Variants in SPO11 observed in about 807,000 individuals in gnomAD.
The protein encoded by SPO11 is SPO11 initiator of meiotic double strand breaks, also known as meiotic recombination protein SPO11.
A neutral mutation model predicts 51.6 loss-of-function variants in SPO11; 49 were observed. The ratio of observed to expected loss-of-function variants is 0.95; its 90% CI spans 0.75 to 1.20. The LOEUF is 1.20. Ranked by LOEUF, SPO11 falls within the 50% of genes most tolerant of loss-of-function variation. The probability of loss-of-function intolerance (pLI) is 0.00; values close to 1 mark genes in which losing one functional copy is unlikely to be tolerated. For missense variants in SPO11, 431 were observed against 473.4 expected (o/e 0.91, Z 0.83); for synonymous variants, 176 against 158.2 (o/e 1.11, Z -0.84).
At chr20:57,335,317 G>T in intron 6 of SPO11, 102 bp from the exon 7 acceptor site, 1 of 935,484 alleles carries the variant, frequency 1.1e-6, no homozygotes, top group Middle Eastern at 2.8e-4. Flanking sequence ...AGTCTCTGAT[G>T]ACTGGTATGG....
chr20:57,329,822 A>T lies in SPO11; in HGVS notation c.-46A>T, dbSNP rs770108439. The T allele has an allele frequency of 6.4e-7, 1 of 1,559,458 alleles. No homozygotes were observed. The highest frequency in any genetic ancestry group is 2.0e-5 in the Admixed American group (1 of 50,814). ...GCACGCAGCCACGCCCCAAGGGCGC[A>T]GCCTAGGACAGGGGCTTCTGGAGCT... On this transcript the variant is annotated 5_prime_UTR_variant, in exon 1 of 13. Transcript: ENST00000371263.
chr20:57,330,181 CAAAA>C (rs2066428597), intron 1 of SPO11, among the ~76,000 whole-genome samples, 183 bp downstream of exon 1: 1 of 152,250 alleles, frequency 6.6e-6, no homozygotes, highest in South Asian at 2.1e-4. Context: ...ATTTTGAACT[CAAAA>C]AAGAAAGCCA....
chr20:57,337,863 G>C, intron 8 of SPO11: 1 of 694,158 alleles, frequency 1.4e-6, no homozygotes, highest in Non-Finnish European at 2.1e-6. Context: ...CGTTGTATGA[G>C]CATAACCTAT....
chr20:57,337,380 T>C (rs141643931), intron 8 of SPO11, among the ~76,000 whole-genome samples: 66 of 152,340 alleles, frequency 4.3e-4, no homozygotes, highest in African/African-American at 1.5e-3. Context: ...ATTTAATTCC[T>C]ATAATAATCT....
At chr20:57,335,253 G>A (rs1030271983) in intron 6 of SPO11, among the ~76,000 whole-genome samples, 166 bp from the exon 7 acceptor site, 1 of 152,082 alleles carries the variant, frequency 6.6e-6, no homozygotes, top group African/African-American at 2.4e-5. Context: ...GTCATGTGCC[G>A]GTTTTCTTAC....
chr20:57,333,201 G>A lies in SPO11; in HGVS notation c.259G>A (p.Val87Met), dbSNP rs745793621. The A allele has an allele frequency of 6.2e-7, 1 of 1,602,224 alleles. No individual in the cohort carries two copies. Among genetic ancestry groups the A allele is most frequent in the South Asian group, 1.1e-5 (1 of 88,018 alleles). Residue 87 changes from valine to methionine, a missense_variant, in exon 3 of 13, where the codon GTG becomes ATG. Around this residue, in one of 3 missense-constraint regions of SPO11, gnomAD observed 405 missense variants for 425.9 expected, o/e 0.95. Coordinates refer to ENST00000371263, the MANE Select transcript of SPO11 (RefSeq NM_012444.3). ...SWENIKFEDS[V>M]GLQMVSHCTT... Reference sequence around the variant, plus strand: ...ACAAAATGACAGGTTTGAAGATTCTGTGGGTCTTCAGATGGTATCCCATTG... The same window carrying A: ...ACAAAATGACAGGTTTGAAGATTCTATGGGTCTTCAGATGGTATCCCATTG...
chr20:57,338,889 T>A, intron 9 of SPO11, 100 bp from the exon 10 acceptor site: 1 of 701,484 alleles, frequency 1.4e-6, no homozygotes, highest in East Asian at 2.9e-5. Flanking sequence ...TCACTGGTGA[T>A]GTCCACAAAA....
At chr20:57,341,088 T>A (rs184794969) in intron 11 of SPO11, among the ~76,000 whole-genome samples, 30 of 152,342 alleles carry the variant, frequency 2.0e-4, no homozygotes, top group Admixed American at 1.5e-3. Flanking sequence ...CTGCTTTTTT[T>A]AAAACACAAC....
intron 5 of SPO11, among the ~76,000 whole-genome samples, chr20:57,334,445 C>A (rs28368080): frequency 6.6e-6 from 1 of 152,132 alleles, no homozygotes; most frequent in African/African-American, 2.4e-5. Flanking sequence ...TAAGCCACCG[C>A]GCCCAGACAA....
rs186418995 is a variant in SPO11, at chr20:57,336,287, G to A, written c.744+380G>A. On this transcript the variant is annotated intron_variant, in intron 8 of 12. Coordinates refer to ENST00000371263, the MANE Select transcript of SPO11 (RefSeq NM_012444.3). ...GCAGACACTGCAATGAGGTCCACAC[G>A]TCAGAGTCAGTTTGACTTACTCCTC... 5.4e-4 allele frequency among the ~76,000 whole-genome samples: 82 copies of A among 152,322 alleles called. No homozygotes were observed. In the South Asian group the frequency reaches 7.9e-3, roughly 15 times the overall value.
chr20:57,336,354 A>T (rs2066513377), intron 8 of SPO11, among the ~76,000 whole-genome samples: 3 of 151,962 alleles, frequency 2.0e-5, no homozygotes. Context: ...GGCCTTGGGA[A>T]TCTCTTTCAT....
At chr20:57,336,086 T>C (rs1174107600) in intron 8 of SPO11, among the ~76,000 whole-genome samples, 179 bp downstream of exon 8, 6 of 152,140 alleles carry the variant, frequency 3.9e-5, no homozygotes, top group Admixed American at 3.9e-4. Context: ...GGCTATCACC[T>C]CAAGTTCTTT....
Position 57,340,146 on chromosome 20 carries a change from A to T in SPO11, c.927A>T (p.Arg309Ser). Reference sequence around the variant, plus strand: ...ATCATCTCACAGTTCCAGCTATTAGATGGCTTGGTCTTCTCCCTTCTGATC... The same window carrying T: ...ATCATCTCACAGTTCCAGCTATTAGTTGGCTTGGTCTTCTCCCTTCTGATC... ...EAHHLTVPAI[R>S]WLGLLPSDLK... The change falls in exon 11 of 13, where the codon AGA becomes AGT. Residue 309 changes from arginine (R) to serine (S), a missense_variant. Physicochemically the swap from Arg to Ser is moderately radical, Grantham distance 110. Around this residue, in one of 3 missense-constraint regions of SPO11, gnomAD observed 405 missense variants for 425.9 expected, o/e 0.95. Transcript: ENST00000371263. 6.2e-7 allele frequency: 1 copy of T among 1,612,642 alleles called. No homozygotes were observed. The highest frequency in any genetic ancestry group is 8.5e-7 in the Non-Finnish European group (1 of 1,178,730).
Position 57,343,471 on chromosome 20 carries a change from G to T in SPO11, c.*11G>T, listed in dbSNP as rs2066608318. 6.3e-7 allele frequency: 1 copy of T among 1,583,806 alleles called. No individual in the cohort carries two copies. The highest frequency in any genetic ancestry group is 8.5e-7 in the Non-Finnish European group (1 of 1,170,810). On this transcript the variant is annotated 3_prime_UTR_variant, in exon 13 of 13. Transcript: ENST00000371263. ...GGAGGATGGATATAAAAATAAATCA[G>T]AAGAACTTCTGATTGCCAGAGGCTT...
intron 11 of SPO11, 122 bp from the exon 12 acceptor site, chr20:57,342,607 A>G (rs2066596002): frequency 1.6e-6 from 1 of 630,618 alleles, no homozygotes; most frequent in African/African-American, 1.8e-5. Context: ...TAAGAGGTAG[A>G]TCTGTACTAA....
chr20:57,335,222 CT>C (rs1352200997), intron 6 of SPO11, among the ~76,000 whole-genome samples, 196 bp from the exon 7 acceptor site: 1 of 152,140 alleles, frequency 6.6e-6, no homozygotes, highest in African/African-American at 2.4e-5. Flanking sequence ...CTTAGTACCC[CT>C]GTTGGGAGAA....
At chr20:57,342,185 T>A (rs1406563822) in intron 11 of SPO11, among the ~76,000 whole-genome samples, 1 of 148,274 alleles carries the variant, frequency 6.7e-6, no homozygotes, top group Non-Finnish European at 1.5e-5. Context: ...GTGTGTAAAG[T>A]GATAAAAGTG....
At chr20:57,336,697 A>G (rs867754145) in intron 8 of SPO11, among the ~76,000 whole-genome samples, 19 of 152,250 alleles carry the variant, frequency 1.2e-4, no homozygotes, top group South Asian at 2.1e-4. Context: ...ATTTTTCACC[A>G]GGTCCTTTAA....
At chr20:57,343,068 A>G (rs2066602915) in intron 12 of SPO11, among the ~76,000 whole-genome samples, 1 of 152,168 alleles carries the variant, frequency 6.6e-6, no homozygotes, top group Non-Finnish European at 1.5e-5. Flanking sequence ...GGTTATATAC[A>G]CATTCTTGAT....
Sources: gnomAD v4.1 joint callset for allele counts (sites outside exome capture counted in the v4.1 genomes callset) on GRCh38, gnomAD v4.1.1 for gene constraint, gnomAD v4.1.1 regional missense constraint, MANE v1.5 for transcripts, NCBI Gene and HGNC (gene_info 2026-07-23, HGNC 2026-07-21) for gene names.